Variants in VAT1L observed in about 807,000 individuals in gnomAD.
The protein encoded by VAT1L is putative NADPH-dependent quinone oxidoreductase VAT1L.
A neutral mutation model predicts 44.1 loss-of-function variants in VAT1L; 34 were observed. The observed-to-expected ratio is 0.77, with a 90% confidence interval of 0.59 to 1.03. VAT1L has a LOEUF of 1.03. Among genes scored for constraint, VAT1L ranks in the 50% least tolerant of loss-of-function variants. VAT1L has a pLI of 0.00. For synonymous variants in VAT1L, 253 were observed against 202.2 expected, an observed-to-expected ratio of 1.25 and a Z score of -2.13; for missense variants, 615 against 538.8, an observed-to-expected ratio of 1.14 and a Z score of -1.40.
chr16:77,832,360 A>G (rs1207777434), intron 3 of VAT1L, among the ~76,000 whole-genome samples: 2 of 152,146 alleles, frequency 1.3e-5, no homozygotes, highest in Non-Finnish European at 2.9e-5. Flanking sequence ...CTCTAGGCAT[A>G]TTCTCCAGCT....
chr16:77,821,002 T>C (rs968131683), intron 2 of VAT1L, among the ~76,000 whole-genome samples: 2 of 152,184 alleles, frequency 1.3e-5, no homozygotes, highest in African/African-American at 4.8e-5. Context: ...CCTATGAGAC[T>C]ACTGAAAGCT....
At chr16:77,905,389 A>G (rs989922817) in intron 7 of VAT1L, among the ~76,000 whole-genome samples, 1 of 152,058 alleles carries the variant, frequency 6.6e-6, no homozygotes, top group African/African-American at 2.4e-5. Context: ...CGAGATTCCA[A>G]CCTTACTTTT....
At chr16:77,820,643 T>C (rs571283130) in intron 2 of VAT1L, among the ~76,000 whole-genome samples, 1 of 152,292 alleles carries the variant, frequency 6.6e-6, no homozygotes, top group Admixed American at 6.5e-5. Flanking sequence ...GAGAGACAGA[T>C]CTGAACTGGA....
chr16:77,963,144 T>C (rs2018181768), intron 7 of VAT1L, among the ~76,000 whole-genome samples: 1 of 152,158 alleles, frequency 6.6e-6, no homozygotes, highest in Non-Finnish European at 1.5e-5. Flanking sequence ...GGTGAGAACC[T>C]GGGCCGAGCA....
chr16:77,949,558 G>A (rs1027107903), intron 7 of VAT1L, among the ~76,000 whole-genome samples: 10 of 152,170 alleles, frequency 6.6e-5, no homozygotes, highest in Non-Finnish European at 1.3e-4. Context: ...CTCCCTGCAG[G>A]AATGGAGAGT....
chr16:77,858,381 G>A (rs1049219497), intron 3 of VAT1L, among the ~76,000 whole-genome samples: 2 of 152,184 alleles, frequency 1.3e-5, no homozygotes, highest in African/African-American at 4.8e-5. Context: ...AGTCACGCAG[G>A]ATCTGATAGC....
At chr16:77,914,345 T>C (rs1051654137) in intron 7 of VAT1L, among the ~76,000 whole-genome samples, 14 of 152,226 alleles carry the variant, frequency 9.2e-5, no homozygotes, top group Non-Finnish European at 2.1e-4. Flanking sequence ...ACCTGTATGG[T>C]GGAGTACTAT....
intron 2 of VAT1L, among the ~76,000 whole-genome samples, chr16:77,821,925 C>T (rs778607739): frequency 1.1e-4 from 16 of 152,132 alleles, no homozygotes; most frequent in Non-Finnish European, 2.2e-4. Context: ...AAAGACAGCA[C>T]CAAGTGCAGA....
At chr16:77,824,323 G>A (rs992510470) in intron 2 of VAT1L, among the ~76,000 whole-genome samples, 1 of 152,178 alleles carries the variant, frequency 6.6e-6, no homozygotes, top group Non-Finnish European at 1.5e-5. Context: ...GGAGAGGAGA[G>A]GGTAGTGGCT....
At chr16:77,885,949 G>A (rs1359886013) in intron 7 of VAT1L, among the ~76,000 whole-genome samples, 2 of 152,130 alleles carry the variant, frequency 1.3e-5, no homozygotes, top group Admixed American at 6.5e-5. Flanking sequence ...GCAGTGTCAT[G>A]GATGGGCTTA....
intron 7 of VAT1L, among the ~76,000 whole-genome samples, chr16:77,971,147 AT>A (rs1298221553): frequency 6.6e-6 from 1 of 151,964 alleles, no homozygotes; most frequent in Admixed American, 6.6e-5. Context: ...CTCCCTCCCC[AT>A]CCCCACCTCA....
chr16:77,933,985 C>A (rs767859045), intron 7 of VAT1L, among the ~76,000 whole-genome samples: 24 of 152,110 alleles, frequency 1.6e-4, no homozygotes, highest in Non-Finnish European at 3.4e-4. Flanking sequence ...GGTCTGTGTT[C>A]TTTTTCTTAA....
chr16:77,852,159 G>A (rs1228134096), intron 3 of VAT1L, among the ~76,000 whole-genome samples: 1 of 152,138 alleles, frequency 6.6e-6, no homozygotes, highest in African/African-American at 2.4e-5. Context: ...AAACTGTGCT[G>A]GCTTGACCCT....
chr16:77,859,673 C>T (rs1386889235), intron 3 of VAT1L, among the ~76,000 whole-genome samples: 1 of 152,080 alleles, frequency 6.6e-6, no homozygotes, highest in African/African-American at 2.4e-5. Flanking sequence ...TGTGATGATC[C>T]AGACTAAGAA....
chr16:77,894,812 C>T (rs1194158875), intron 7 of VAT1L, among the ~76,000 whole-genome samples: 1 of 152,018 alleles, frequency 6.6e-6, no homozygotes, highest in Non-Finnish European at 1.5e-5. Context: ...GATTGAAGGG[C>T]TGTTTAATGC....
intron 3 of VAT1L, among the ~76,000 whole-genome samples, chr16:77,860,128 G>T (rs143314274): frequency 2.0e-4 from 30 of 152,126 alleles, no homozygotes; most frequent in Non-Finnish European, 3.5e-4. Context: ...TAGATCTTTC[G>T]CTCACATCCC....
intron 3 of VAT1L, among the ~76,000 whole-genome samples, chr16:77,851,322 C>G (rs1206211228): frequency 6.6e-6 from 1 of 152,094 alleles, no homozygotes; most frequent in Non-Finnish European, 1.5e-5. Flanking sequence ...AACCGAAGAC[C>G]ATAACATGGA....
intron 7 of VAT1L, among the ~76,000 whole-genome samples, chr16:77,944,599 G>A (rs190171149): frequency 1.3e-5 from 2 of 152,250 alleles, no homozygotes; most frequent in East Asian, 3.9e-4. Flanking sequence ...TTGTTGTGAA[G>A]ATTAAAGGAG....
intron 3 of VAT1L, among the ~76,000 whole-genome samples, chr16:77,827,430 A>G (rs897993835): frequency 7.2e-5 from 11 of 152,198 alleles, no homozygotes; most frequent in Non-Finnish European, 1.3e-4. Context: ...TGTCAGGGGC[A>G]TGTGTCTTAC....
Sources: allele counts gnomAD v4.1 joint callset (sites outside exome capture counted in the v4.1 genomes callset), GRCh38; gene constraint gnomAD v4.1.1; transcripts MANE v1.5; gene names NCBI Gene and HGNC (gene_info 2026-07-23, HGNC 2026-07-21).